Variants in KSR2 observed in about 807,000 individuals in gnomAD.
KSR2 encodes kinase suppressor of ras 2.
In KSR2, 25 loss-of-function variants were observed where a neutral mutation model predicts 107.8. The ratio of observed to expected loss-of-function variants is 0.23; its 90% CI spans 0.17 to 0.32. KSR2 has a LOEUF of 0.32. Among genes scored for constraint, KSR2 ranks in the 10% least tolerant of loss-of-function variants. The pLI, the probability that KSR2 is intolerant of heterozygous loss-of-function variation, is 1.00. For synonymous variants in KSR2, 480 were observed against 507.0 expected (o/e 0.95, Z 0.71); for missense variants, 887 against 1,268.9 (o/e 0.70, Z 4.57).
chr12:117,540,648 CT>C (rs1487358059), intron 9 of KSR2, among the ~76,000 whole-genome samples: 1 of 152,138 alleles, frequency 6.6e-6, no homozygotes, highest in Non-Finnish European at 1.5e-5. Context: ...CGGGTGAGTC[CT>C]AAATCCAATG....
At chr12:117,548,877 C>G (rs969890902) in intron 9 of KSR2, among the ~76,000 whole-genome samples, 1 of 152,096 alleles carries the variant, frequency 6.6e-6, no homozygotes, top group African/African-American at 2.4e-5. Context: ...GATACTGGCC[C>G]CATGGACAAT....
intron 7 of KSR2, among the ~76,000 whole-genome samples, chr12:117,565,830 A>G (rs1878450533): frequency 6.6e-6 from 1 of 152,212 alleles, no homozygotes; most frequent in Non-Finnish European, 1.5e-5. Context: ...TAATCATGTG[A>G]TATATAATTC....
intron 4 of KSR2, among the ~76,000 whole-genome samples, chr12:117,676,780 C>T (rs140446435): frequency 2.0e-5 from 3 of 152,244 alleles, no homozygotes; most frequent in East Asian, 3.9e-4. Flanking sequence ...TCTGACCCAA[C>T]GATTTTACTC....
chr12:117,906,622 C>T (rs1399767405), intron 1 of KSR2, among the ~76,000 whole-genome samples: 1 of 151,750 alleles, frequency 6.6e-6, no homozygotes, highest in African/African-American at 2.4e-5. Context: ...AAAAAAACTG[C>T]TTGCCTTCAC....
intron 5 of KSR2, among the ~76,000 whole-genome samples, chr12:117,584,918 C>A (rs1404100429): frequency 2.6e-5 from 4 of 152,216 alleles, no homozygotes; most frequent in African/African-American, 9.6e-5. Context: ...CCTGCAGATT[C>A]TCAATGAATA....
intron 14 of KSR2, among the ~76,000 whole-genome samples, chr12:117,491,518 A>T (rs1269145707): frequency 6.6e-6 from 1 of 152,164 alleles, no homozygotes; most frequent in Non-Finnish European, 1.5e-5. Flanking sequence ...TTCACTTAGC[A>T]TAATGTCCTC....
chr12:117,491,525 C>G (rs975797386), intron 14 of KSR2, among the ~76,000 whole-genome samples: 7 of 152,136 alleles, frequency 4.6e-5, no homozygotes, highest in Non-Finnish European at 1.0e-4. Context: ...AGCATAATGT[C>G]CTCTAGGTTC....
chr12:117,465,567 G>C lies in KSR2; in HGVS notation c.*1632C>G, dbSNP rs761608941. On this transcript the variant is annotated 3_prime_UTR_variant, in exon 20 of 20. Transcript: ENST00000339824. ...AACCAGTCTGGGAGTCACCCAAGGT[G>C]GGGAAGAGATCCTCATAGGTCTATT... 1.3e-5 allele frequency: 2 copies of C among 152,218 alleles called. No individual in the cohort carries two copies. The highest frequency in any genetic ancestry group is 2.9e-5 in the Non-Finnish European group (2 of 68,066). The allele number at this position is 152,218 out of a possible 1,614,324, so 9.4% of individuals were successfully genotyped here. A position where few individuals can be genotyped will look rare whatever the true frequency, so the allele number is the denominator to read the frequency against.
At chr12:117,467,923 T>G (rs1871238980) in intron 19 of KSR2, 1 of 108,184 alleles carries the variant, frequency 9.2e-6, no homozygotes, top group Non-Finnish European at 1.8e-5. Flanking sequence ...TCCTGTGTTT[T>G]TTTTTTTTTT....
chr12:117,763,047 G>C (rs377396529), intron 3 of KSR2, among the ~76,000 whole-genome samples: 246 of 150,448 alleles, frequency 1.6e-3, no homozygotes, highest in African/African-American at 5.7e-3. Flanking sequence ...CCTCTCCCCC[G>C]ACCCCACAAC....
At chr12:117,834,177 C>T (rs1201364217) in intron 3 of KSR2, among the ~76,000 whole-genome samples, 1 of 151,558 alleles carries the variant, frequency 6.6e-6, no homozygotes, top group Non-Finnish European at 1.5e-5. Context: ...CTGGCATCAC[C>T]CAAGAATCCG....
intron 4 of KSR2, among the ~76,000 whole-genome samples, chr12:117,686,708 C>T (rs577423665): frequency 2.2e-4 from 33 of 152,274 alleles, no homozygotes; most frequent in African/African-American, 7.9e-4. Flanking sequence ...TCTGTGCAAG[C>T]AGGAGGTCAG....
chr12:117,584,782 C>T (rs1353459069), intron 5 of KSR2, among the ~76,000 whole-genome samples: 2 of 152,172 alleles, frequency 1.3e-5, no homozygotes, highest in Non-Finnish European at 2.9e-5. Context: ...AGGGATTATG[C>T]TATGCATTTT....
intron 1 of KSR2, among the ~76,000 whole-genome samples, chr12:117,905,886 A>T (rs2137410028): frequency 6.6e-6 from 1 of 152,282 alleles, no homozygotes; most frequent in Non-Finnish European, 1.5e-5. Context: ...GGAAAAAAAA[A>T]AAAAAGTAGG....
intron 14 of KSR2, among the ~76,000 whole-genome samples, chr12:117,513,557 GC>G (rs1029341047): frequency 2.0e-5 from 3 of 152,234 alleles, no homozygotes; most frequent in Non-Finnish European, 2.9e-5. Context: ...ATTTGTGCCT[GC>G]TGCCAACTCA....
intron 3 of KSR2, among the ~76,000 whole-genome samples, chr12:117,834,013 C>T (rs1426682478): frequency 6.6e-6 from 1 of 151,674 alleles, no homozygotes; most frequent in Non-Finnish European, 1.5e-5. Flanking sequence ...TGGTGGCATA[C>T]CCCTATAGTT....
At chr12:117,583,621 TACTATC>T (rs1879826117) in intron 5 of KSR2, among the ~76,000 whole-genome samples, 1 of 152,162 alleles carries the variant, frequency 6.6e-6, no homozygotes, top group African/African-American at 2.4e-5. Flanking sequence ...CAGCGAACTG[TACTATC>T]ACTCCATTAC....
chr12:117,672,590 T>A (rs2136503785), intron 4 of KSR2, among the ~76,000 whole-genome samples: 1 of 152,268 alleles, frequency 6.6e-6, no homozygotes, highest in Non-Finnish European at 1.5e-5. Flanking sequence ...AAGCCAACAT[T>A]GAAGCCAAGC....
intron 5 of KSR2, among the ~76,000 whole-genome samples, chr12:117,597,667 T>C (rs570060618): frequency 6.6e-6 from 1 of 152,304 alleles, no homozygotes; most frequent in East Asian, 1.9e-4. Context: ...AAAAAATATG[T>C]TTGTGTTGCT....
Sources: gnomAD v4.1 joint callset for allele counts (sites outside exome capture counted in the v4.1 genomes callset) on GRCh38, gnomAD v4.1.1 for gene constraint, MANE v1.5 for transcripts, NCBI Gene and HGNC (gene_info 2026-07-23, HGNC 2026-07-21) for gene names.